The following HSPA9 variants were observed in gnomAD, a reference collection of about 807,000 sequenced individuals.
HSPA9 encodes the protein heat shock protein family A (Hsp70) member 9.
In HSPA9, 28 loss-of-function variants were observed where a neutral mutation model predicts 81.5. The observed-to-expected ratio is 0.34, with a 90% CI of 0.25 to 0.47. The LOEUF (loss-of-function observed/expected upper bound fraction) is 0.47. Ranked by LOEUF, HSPA9 falls within the 20% of genes least tolerant of loss-of-function variation. The pLI, the probability that HSPA9 is intolerant of heterozygous loss-of-function variation, is 1.00. For missense variants in HSPA9, 678 were observed against 838.0 expected, an observed-to-expected ratio of 0.81 and a Z score of 2.36; for synonymous variants, 293 against 290.4, an observed-to-expected ratio of 1.01 and a Z score of -0.09.
rs1337564713 is a variant in HSPA9, at chr5:138,555,735, T to C, written c.*302A>G. On this transcript the variant is annotated 3_prime_UTR_variant, in exon 17 of 17. Transcript: ENST00000297185. ...GAGATGGTTTCACCCCTTGAAAATA[T>C]GGTCACTTCAGCATAAAATAGTTAA... 4.9e-6 allele frequency: 2 copies of C among 410,376 alleles called. No individual in the cohort carries two copies. The highest frequency in any genetic ancestry group is 2.0e-5 in the African/African-American group (1 of 48,964). The allele number at this position is 410,376 out of a possible 1,614,324, so 25.4% of individuals were successfully genotyped here.
chr5:138,560,062 G>A lies in HSPA9; in HGVS notation c.1212C>T (p.Gly404=), dbSNP rs1750621436. Residue 404 remains glycine (G), a synonymous_variant, in exon 11 of 17, where the codon GGC becomes GGT. Coordinates refer to ENST00000297185, the MANE Select transcript of HSPA9 (RefSeq NM_004134.7). ...KVQQTVQDLF[G]RAPSKAVNPD... ...GATTGACAGCTTTACTTGGGGCTCTGCCAAAAAGATCCTGTACAGTCTGCT... is the reference window on the plus strand; with the variant it reads ...GATTGACAGCTTTACTTGGGGCTCTACCAAAAAGATCCTGTACAGTCTGCT... 1 of 1,614,058 alleles carries A rather than the reference G, an allele frequency of 6.2e-7. No individual in the cohort carries two copies. The highest frequency in any genetic ancestry group is 1.1e-5 in the South Asian group (1 of 91,074).
In HSPA9 at chr5:138,556,584, C is replaced by A; in HGVS notation, c.1830G>T (p.Lys610Asn). 1.2e-6 allele frequency: 2 copies of A among 1,613,970 alleles called. No individual in the cohort carries two copies. The highest frequency in any genetic ancestry group is 2.2e-5 in the South Asian group (2 of 91,090). The change falls in exon 16 of 17, where the codon AAG (lysine) becomes AAT (asparagine). Residue 610 changes from lysine to asparagine, a missense_variant. Lys to Asn is a moderately conservative substitution (Grantham distance 94). Around this residue, in one of 4 missense-constraint regions of HSPA9, gnomAD observed 100 missense variants for 99.5 expected, o/e 1.00. Transcript: ENST00000297185. ...TCATTTTGGAAATCTCTTCTTTCAG[C>A]TTGTTGCACTTAAAAAAAGAAAACA... is the stretch of plus-strand genomic sequence containing the variant. ...KDQLPADECN[K>N]LKEEISKMRE...
rs1433286669 is a variant in HSPA9, at chr5:138,555,320, CT to C, written c.*716del. On this transcript the variant is annotated 3_prime_UTR_variant, in exon 17 of 17. Coordinates refer to ENST00000297185, the MANE Select transcript of HSPA9 (RefSeq NM_004134.7). ...GAAGCTAAATCTCAGGGCATCACCC[CT>C]CACAAACAAGAGATCAAGATGCTTT... 1 of 151,868 alleles carries C rather than the reference CT, an allele frequency of 6.6e-6. No individual in the cohort carries two copies. The highest frequency in any genetic ancestry group is 2.4e-5 in the African/African-American group (1 of 41,294). The allele number at this position is 151,868 out of a possible 1,614,324, so 9.4% of individuals were successfully genotyped here.
Position 138,575,372 on chromosome 5 carries a change from G to C in HSPA9, c.-54C>G, listed in dbSNP as rs748495972. The stretch of plus-strand genomic sequence containing the variant: ...CAAACAAGCGCTCCGACGGCAAAGA[G>C]CTGCGCGATGCGGTGGCGGCAGCGC... On this transcript the variant is annotated 5_prime_UTR_variant, in exon 1 of 17. Transcript: ENST00000297185. 3.5e-6 allele frequency: 5 copies of C among 1,436,288 alleles called. No homozygotes were observed. The highest frequency in any genetic ancestry group is 1.4e-5 in the African/African-American group (1 of 71,582). 89.0% of individuals were successfully genotyped at this position (1,436,288 alleles called of 1,614,324 possible).
chr5:138,571,054 T>G lies in HSPA9; in HGVS notation c.316A>C (p.Lys106Gln). Residue 106 changes from lysine to glutamine, a missense_variant, in exon 4 of 17, where the codon AAG (lysine) becomes CAG (glutamine). This residue lies in a region of HSPA9 where 484 missense variants were observed against 647.5 expected (regional missense o/e 0.75). Transcript: ENST00000297185. ...TTTGGGTTGGTGACAGCCTGTCGCTTGGCCGGCATTCCAACAAGTCGCTCA... is the reference window on the plus strand; with the variant it reads ...TTTGGGTTGGTGACAGCCTGTCGCTGGGCCGGCATTCCAACAAGTCGCTCA... ...DGERLVGMPA[K>Q]RQAVTNPNNT... The G allele has an allele frequency of 1.2e-6, 2 of 1,614,218 alleles. No individual in the cohort carries two copies. The highest frequency in any genetic ancestry group is 1.7e-6 in the Non-Finnish European group (2 of 1,180,048).
At position 138,555,387 on chromosome 5, in the gene HSPA9, G is replaced by A. The variant is rs1750497496; in HGVS notation, c.*650C>T. 6.6e-6 allele frequency: 1 copy of A among 152,260 alleles called. No individual in the cohort carries two copies. The highest frequency in any genetic ancestry group is 2.4e-5 in the African/African-American group (1 of 41,422). The allele number at this position is 152,260 out of a possible 1,614,324, so 9.4% of individuals were successfully genotyped here. A position where few individuals can be genotyped will look rare whatever the true frequency, so the allele number is the denominator to read the frequency against. On this transcript the variant is annotated 3_prime_UTR_variant, in exon 17 of 17. Transcript: ENST00000297185. Reference sequence around the variant, plus strand: ...AAAAAAAAAATTCCAGAATGGGTAAGAGAACAATCATCAAGGATGTAGGTG... The same window carrying A: ...AAAAAAAAAATTCCAGAATGGGTAAAAGAACAATCATCAAGGATGTAGGTG...
intron 1 of HSPA9, 47 bp from the exon 2 acceptor site, chr5:138,574,173 G>A (rs745774019): frequency 5.0e-6 from 7 of 1,410,736 alleles, no homozygotes; most frequent in South Asian, 1.2e-5. Context: ...GTGTATCCTG[G>A]GAGGAAAAAG....
At chr5:138,569,545 T>C (rs967088118) in intron 4 of HSPA9, among the ~76,000 whole-genome samples, 1 of 152,292 alleles carries the variant, frequency 6.6e-6, no homozygotes. Context: ...CAGTATAGTA[T>C]TATTTGGCCA....
At chr5:138,557,735 G>A in intron 13 of HSPA9, 134 bp downstream of exon 13, 2 of 783,908 alleles carry the variant, frequency 2.6e-6, no homozygotes, top group Non-Finnish European at 2.3e-6. Context: ...GTGCCTGTTT[G>A]TGGGGAATAA....
rs751635669 is a variant in HSPA9, at chr5:138,557,382, A to G, written c.1728+20T>C. On this transcript the variant is annotated intron_variant, in intron 14 of 16. Transcript: ENST00000297185. Reference sequence around the variant, plus strand: ...CTGAGCTTTACTAAGATTAAAGTTCAGAAGACAAGAAGTAATCACCTTCTT... The same window carrying G: ...CTGAGCTTTACTAAGATTAAAGTTCGGAAGACAAGAAGTAATCACCTTCTT... The G allele has an allele frequency of 3.9e-6, 6 of 1,529,898 alleles. No homozygotes were observed. The highest frequency in any genetic ancestry group is 5.4e-6 in the Non-Finnish European group (6 of 1,105,754). The allele number at this position is 1,529,898 out of a possible 1,614,324, so 94.8% of individuals were successfully genotyped here.
intron 14 of HSPA9, chr5:138,557,139 T>C (rs918114714): frequency 1.0e-5 from 6 of 601,030 alleles, no homozygotes; most frequent in African/African-American, 5.6e-5. Context: ...GAATAGATTA[T>C]CTTAGGTTTT....
At position 138,567,450 on chromosome 5, in the gene HSPA9, C is replaced by T. The variant is rs755470747; in HGVS notation, c.716+5G>A. ...CCAGGTGAGAAATTTACTGCACAAACTTACACTTTGTCTTCTGATTTGTCT... is the reference window on the plus strand; with the variant it reads ...CCAGGTGAGAAATTTACTGCACAAATTTACACTTTGTCTTCTGATTTGTCT... On this transcript the variant is annotated splice_donor_5th_base_variant and intron_variant, in intron 7 of 16. Coordinates refer to ENST00000297185, the MANE Select transcript of HSPA9 (RefSeq NM_004134.7). The T allele has an allele frequency of 6.2e-7, 1 of 1,604,248 alleles. No individual in the cohort carries two copies. The highest frequency in any genetic ancestry group is 8.5e-7 in the Non-Finnish European group (1 of 1,171,030).
At chr5:138,557,808 G>C (rs1022746390) in intron 13 of HSPA9, 61 bp downstream of exon 13, 7 of 952,742 alleles carry the variant, frequency 7.3e-6, no homozygotes, top group African/African-American at 1.6e-5. Flanking sequence ...CATTCTAAGA[G>C]GGTCTATTCC....
At chr5:138,573,086 G>A (rs1390012319) in intron 3 of HSPA9, among the ~76,000 whole-genome samples, 1 of 152,088 alleles carries the variant, frequency 6.6e-6, no homozygotes, top group African/African-American at 2.4e-5. Flanking sequence ...AGTAGAGACA[G>A]GTTTCACCAT....
chr5:138,569,168 GAC>G (rs1324805174), intron 4 of HSPA9, 119 bp from the exon 5 acceptor site: 8 of 889,572 alleles, frequency 9.0e-6, no homozygotes, highest in Admixed American at 7.8e-5. Flanking sequence ...GCCAACAAAT[GAC>G]AGTTTGTGAA....
chr5:138,559,950 G>A lies in HSPA9; in HGVS notation c.1324C>T (p.Pro442Ser), dbSNP rs1285463490. Residue 442 changes from proline (P) to serine (S), a missense_variant, in exon 11 of 17, where the codon CCC becomes TCC. Coordinates refer to ENST00000297185, the MANE Select transcript of HSPA9 (RefSeq NM_004134.7). Reference sequence around the variant, plus strand: ...AGAGTTTCAATACCCAGAGACAGGGGAGTGACATCAAGGAGCAGCACATCC... The same window carrying A: ...AGAGTTTCAATACCCAGAGACAGGGAAGTGACATCAAGGAGCAGCACATCC... ...VTDVLLLDVT[P>S]LSLGIETLGG... The A allele has an allele frequency of 1.2e-6, 2 of 1,614,090 alleles. No individual in the cohort carries two copies. The highest frequency in any genetic ancestry group is 4.5e-5 in the East Asian group (2 of 44,880).
chr5:138,569,127 T>C (rs1750826125), intron 4 of HSPA9, 78 bp from the exon 5 acceptor site: 1 of 1,385,264 alleles, frequency 7.2e-7, no homozygotes, highest in Non-Finnish European at 1.0e-6. Context: ...ACCATGAACA[T>C]CCATCTTCCA....
chr5:138,560,849 CG>C, intron 10 of HSPA9: 1 of 430,652 alleles, frequency 2.3e-6, no homozygotes, highest in Non-Finnish European at 4.5e-6. Flanking sequence ...TACCCGGCCT[CG>C]GGGATTTCTT....
rs1184842720 is a variant in HSPA9 at position 138,568,928 on chromosome 5, C to T, written c.532G>A (p.Ala178Thr). The change falls in exon 5 of 17, where the codon GCA becomes ACA. Residue 178 changes from alanine to threonine, a missense_variant. This residue lies in a region of HSPA9 where 484 missense variants were observed against 647.5 expected (regional missense o/e 0.75). Coordinates refer to ENST00000297185, the MANE Select transcript of HSPA9 (RefSeq NM_004134.7). ...GATGTGAACTAAACCCACTCACCTG[C>T]AGTCTCTTTCATCTTCATCAACACA... is the stretch of plus-strand genomic sequence containing the variant. ...AFVLMKMKET[A>T]ENYLGHTAKN... The T allele has an allele frequency of 6.2e-7, 1 of 1,613,842 alleles. No individual in the cohort carries two copies. Among genetic ancestry groups the T allele is most frequent in the Non-Finnish European group, 8.5e-7 (1 of 1,179,800 alleles).
Sources: allele counts gnomAD v4.1 joint callset (sites outside exome capture counted in the v4.1 genomes callset), GRCh38; gene constraint gnomAD v4.1.1; regional missense constraint gnomAD v4.1.1; transcripts MANE v1.5; gene names NCBI Gene and HGNC (gene_info 2026-07-23, HGNC 2026-07-21).